Variants in ADAMTS18 observed in about 807,000 individuals in gnomAD.
The protein encoded by ADAMTS18 is A disintegrin and metalloproteinase with thrombospondin motifs 18.
In ADAMTS18, 157 loss-of-function variants were observed where a neutral mutation model predicts 165.9. The observed-to-expected ratio is 0.95, with a 90% confidence interval of 0.83 to 1.08. The LOEUF (loss-of-function observed/expected upper bound fraction) is 1.08. ADAMTS18 is among the 50% of genes least tolerant of loss of function. The pLI is 0.00. For synonymous variants in ADAMTS18, 782 were observed against 578.2 expected, an observed-to-expected ratio of 1.35 and a Z score of -5.06; for missense variants, 2,040 against 1,534.0, an observed-to-expected ratio of 1.33 and a Z score of -5.51.
At chr16:77,421,079 C>T (rs1053792408) in intron 3 of ADAMTS18, among the ~76,000 whole-genome samples, 2 of 152,104 alleles carry the variant, frequency 1.3e-5, no homozygotes, top group Non-Finnish European at 2.9e-5. Context: ...GTGATGTGCA[C>T]TACATAATTT....
chr16:77,386,259 T>C (rs995458020), intron 3 of ADAMTS18, among the ~76,000 whole-genome samples: 2 of 152,194 alleles, frequency 1.3e-5, no homozygotes, highest in African/African-American at 4.8e-5. Flanking sequence ...ATCATCAACC[T>C]GGCTGACCAC....
At chr16:77,381,059 A>C (rs529987835) in intron 3 of ADAMTS18, among the ~76,000 whole-genome samples, 3 of 151,926 alleles carry the variant, frequency 2.0e-5, no homozygotes, top group Admixed American at 2.0e-4. Flanking sequence ...TTTTTAGTAG[A>C]GACGGGGTTT....
At chr16:77,347,403 T>C (rs559540599) in intron 10 of ADAMTS18, among the ~76,000 whole-genome samples, 1 of 152,284 alleles carries the variant, frequency 6.6e-6, no homozygotes, top group South Asian at 2.1e-4. Flanking sequence ...AAAATGATTA[T>C]ACCACTTGAC....
intron 3 of ADAMTS18, among the ~76,000 whole-genome samples, chr16:77,385,559 G>C (rs1010237352): frequency 2.0e-5 from 3 of 152,296 alleles, no homozygotes; most frequent in Non-Finnish European, 4.4e-5. Context: ...GTGGTAATGG[G>C]TTATGTCAAG....
chr16:77,346,021 C>T (rs780313140), intron 10 of ADAMTS18, among the ~76,000 whole-genome samples: 3 of 152,194 alleles, frequency 2.0e-5, no homozygotes, highest in Non-Finnish European at 4.4e-5. Flanking sequence ...CTCCCTGATG[C>T]TCTGCCAACA....
chr16:77,319,791 G>A, intron 16 of ADAMTS18, 58 bp downstream of exon 16: 2 of 1,612,460 alleles, frequency 1.2e-6, no homozygotes. Flanking sequence ...TCAAATTGCA[G>A]TCAACGATAT....
chr16:77,373,700 C>A (rs1241778744), intron 3 of ADAMTS18, among the ~76,000 whole-genome samples: 1 of 151,978 alleles, frequency 6.6e-6, no homozygotes, highest in African/African-American at 2.4e-5. Flanking sequence ...CATCTGTCCC[C>A]CAAAAACCTA....
At chr16:77,420,283 C>G (rs1254301547) in intron 3 of ADAMTS18, among the ~76,000 whole-genome samples, 1 of 152,050 alleles carries the variant, frequency 6.6e-6, no homozygotes, top group Non-Finnish European at 1.5e-5. Context: ...ACATACCATC[C>G]TGCCATGTTA....
At chr16:77,425,874 C>T (rs962545424) in intron 3 of ADAMTS18, among the ~76,000 whole-genome samples, 9 of 152,036 alleles carry the variant, frequency 5.9e-5, no homozygotes, top group Admixed American at 1.3e-4. Context: ...GAAACCCCAT[C>T]TCTACTAAAA....
intron 2 of ADAMTS18, among the ~76,000 whole-genome samples, chr16:77,433,205 G>C (rs544926683): frequency 4.6e-5 from 7 of 152,260 alleles, no homozygotes; most frequent in African/African-American, 1.4e-4. Flanking sequence ...CTATGAAAAA[G>C]ATTCCTGACA....
chr16:77,362,199 G>T lies in ADAMTS18; in HGVS notation c.1122C>A (p.Ala374=), dbSNP rs372445474. 3 of 1,613,866 alleles carry T rather than the reference G, an allele frequency of 1.9e-6. No individual in the cohort carries two copies. In the African/African-American group the frequency reaches 4.0e-5, roughly 22 times the overall value. ...GTCTCTTGCCATTCTTTCCAATGAG[G>T]GCAGACTGCCATTGACAAAAACTAT... ...SLNSFCQWQS[A]LIGKNGKRHD... The change falls in exon 7 of 23, where the codon GCC becomes GCA. Residue 374 remains alanine (A), a synonymous_variant. Coordinates refer to ENST00000282849, the MANE Select transcript of ADAMTS18 (RefSeq NM_199355.4).
chr16:77,373,545 T>A (rs2056907322), intron 3 of ADAMTS18, among the ~76,000 whole-genome samples: 1 of 151,552 alleles, frequency 6.6e-6, no homozygotes, highest in African/African-American at 2.4e-5. Flanking sequence ...ATATAATGGA[T>A]TATGAAGACT....
chr16:77,326,764 G>A (rs1350972459), intron 12 of ADAMTS18, among the ~76,000 whole-genome samples: 1 of 152,156 alleles, frequency 6.6e-6, no homozygotes, highest in Non-Finnish European at 1.5e-5. Flanking sequence ...GTAAAGTTTT[G>A]TTATACAGTT....
intron 10 of ADAMTS18, among the ~76,000 whole-genome samples, chr16:77,343,180 A>T (rs1359671859): frequency 6.6e-6 from 1 of 150,848 alleles, no homozygotes; most frequent in Non-Finnish European, 1.5e-5. Flanking sequence ...TCAAGCAATT[A>T]TCCCTGCCTC....
intron 3 of ADAMTS18, among the ~76,000 whole-genome samples, chr16:77,403,174 C>G (rs994126061): frequency 1.3e-5 from 2 of 152,020 alleles, no homozygotes; most frequent in African/African-American, 4.8e-5. Flanking sequence ...AATGACTTAC[C>G]CAGGGTCATA....
At chr16:77,408,788 G>A (rs937049225) in intron 3 of ADAMTS18, among the ~76,000 whole-genome samples, 1 of 152,088 alleles carries the variant, frequency 6.6e-6, no homozygotes, top group Non-Finnish European at 1.5e-5. Context: ...GTGGTTAGAG[G>A]AGTGTGGCCA....
Position 77,291,477 on chromosome 16 carries a change from C to G in ADAMTS18, c.3191G>C (p.Cys1064Ser). 6.2e-7 allele frequency: 1 copy of G among 1,614,124 alleles called. No homozygotes were observed. Among genetic ancestry groups the G allele is most frequent in the Non-Finnish European group, 8.5e-7 (1 of 1,179,990 alleles). ...LQWVASSWSE[C>S]SATCGLGVRK... ...CACACCCAAACCACAGGTTGCAGAA[C>G]ACTAGGAGCCAAGACAGGATGTGTA... The change falls in exon 21 of 23, where the codon TGT (cysteine) becomes TCT (serine). Residue 1064 changes from cysteine (C) to serine (S), a missense_variant and splice_region_variant. Coordinates refer to ENST00000282849, the MANE Select transcript of ADAMTS18 (RefSeq NM_199355.4).
intron 15 of ADAMTS18, among the ~76,000 whole-genome samples, chr16:77,320,417 T>C (rs576504700): frequency 1.3e-5 from 2 of 152,166 alleles, no homozygotes; most frequent in Non-Finnish European, 2.9e-5. Flanking sequence ...AGTGGGCGGA[T>C]CACCCAAGGT....
At chr16:77,284,122 T>TG in intron 22 of ADAMTS18, 51 bp from the exon 23 acceptor site, 3 of 1,267,870 alleles carry the variant, frequency 2.4e-6, no homozygotes, top group Admixed American at 1.8e-5. Flanking sequence ...CTATCCTTTT[T>TG]CTTTTTTTTT....
Sources: allele counts gnomAD v4.1 joint callset (sites outside exome capture counted in the v4.1 genomes callset), GRCh38; gene constraint gnomAD v4.1.1; transcripts MANE v1.5; gene names NCBI Gene and HGNC (gene_info 2026-07-23, HGNC 2026-07-21).